Variants in DOK5 observed in about 807,000 individuals in gnomAD.
DOK5 encodes the protein docking protein 5, also known as downstream of tyrosine kinase 5.
A neutral mutation model predicts 43.3 loss-of-function variants in DOK5; 27 were observed. That is an observed-to-expected ratio of 0.62 (90% CI 0.46 to 0.86). The LOEUF (loss-of-function observed/expected upper bound fraction) is 0.86. Among genes scored for constraint, DOK5 ranks in the 40% least tolerant of loss-of-function variants. The pLI, the probability that DOK5 is intolerant of heterozygous loss-of-function variation, is 0.00. For synonymous variants in DOK5, 146 were observed against 140.1 expected, an observed-to-expected ratio of 1.04 and a Z score of -0.30; for missense variants, 373 against 392.9, an observed-to-expected ratio of 0.95 and a Z score of 0.43.
At chr20:54,492,686 T>G (rs1309456365) in intron 1 of DOK5, among the ~76,000 whole-genome samples, 1 of 141,094 alleles carries the variant, frequency 7.1e-6, no homozygotes, top group South Asian at 2.3e-4. Flanking sequence ...GAGTGTGGCT[T>G]TGTGTGTGTG....
intron 5 of DOK5, among the ~76,000 whole-genome samples, chr20:54,605,675 C>T (rs1003563489): frequency 5.3e-5 from 8 of 152,200 alleles, no homozygotes; most frequent in African/African-American, 1.4e-4. Flanking sequence ...GTCAGGTTCC[C>T]GGTGATGCTT....
At chr20:54,631,826 G>A (rs2146817387) in intron 6 of DOK5, among the ~76,000 whole-genome samples, 1 of 152,218 alleles carries the variant, frequency 6.6e-6, no homozygotes, top group African/African-American at 2.4e-5. Flanking sequence ...ACAAAAATTA[G>A]CTGGGCATTG....
intron 1 of DOK5, among the ~76,000 whole-genome samples, chr20:54,503,221 T>C (rs1048729955): frequency 6.6e-6 from 1 of 152,200 alleles, no homozygotes; most frequent in African/African-American, 2.4e-5. Context: ...GTGAATGTAT[T>C]ACTTTTTCAA....
chr20:54,577,658 AAC>A (rs1341169502), intron 2 of DOK5, among the ~76,000 whole-genome samples: 1 of 152,204 alleles, frequency 6.6e-6, no homozygotes, highest in African/African-American at 2.4e-5. Context: ...CCAAAATCTT[AAC>A]AGTTTACAGC....
chr20:54,549,102 C>A (rs1325964575), intron 1 of DOK5, among the ~76,000 whole-genome samples: 1 of 152,206 alleles, frequency 6.6e-6, no homozygotes, highest in African/African-American at 2.4e-5. Context: ...TCTTTGTCGG[C>A]AGCCCCAAGA....
At chr20:54,593,247 ACT>A (rs1346438808) in intron 5 of DOK5, among the ~76,000 whole-genome samples, 2 of 147,648 alleles carry the variant, frequency 1.4e-5, no homozygotes, top group East Asian at 2.0e-4. Context: ...ACAGAGCGAG[ACT>A]CTGTCTCCCA....
Position 54,480,977 on chromosome 20 carries a change from T to TTTCTATC in DOK5, c.66+4965_66+4966insTTCTATC, listed in dbSNP as rs1568746196. Among the ~76,000 whole-genome samples the TTTCTATC allele has an allele frequency of 3.0e-4, 19 of 63,228 alleles. No individual in the cohort carries two copies. In the East Asian group the frequency reaches 0.014, roughly 48 times the overall value. The allele number at this position is 63,228 out of a possible 152,430, so 41.5% of individuals were successfully genotyped here. A position where few individuals can be genotyped will look rare whatever the true frequency, so the allele number is the denominator to read the frequency against. Reference sequence around the variant, plus strand: ...ATCTATCTATCATCTATCATCTATCTATCTATCATCTATCATCTATCTATC... The same window carrying TTTCTATC: ...ATCTATCTATCATCTATCATCTATCTTTCTATCATCTATCATCTATCATCTATCTATC... On this transcript the variant is annotated intron_variant, in intron 1 of 7. Transcript: ENST00000262593.
intron 5 of DOK5, among the ~76,000 whole-genome samples, chr20:54,592,407 A>T (rs986446093): frequency 2.6e-5 from 4 of 152,126 alleles, no homozygotes; most frequent in African/African-American, 7.2e-5. Context: ...GATTAACCAG[A>T]TAGTATAGTA....
At chr20:54,542,483 A>G (rs1308950350) in intron 1 of DOK5, among the ~76,000 whole-genome samples, 1 of 152,224 alleles carries the variant, frequency 6.6e-6, no homozygotes, top group African/African-American at 2.4e-5. Context: ...TTGGAGACAG[A>G]GAAGGAAAAG....
At chr20:54,646,246 C>CTTTTTTTTTTTTTTTTT (rs1234153656) in intron 7 of DOK5, among the ~76,000 whole-genome samples, 1 of 80,676 alleles carries the variant, frequency 1.2e-5, no homozygotes, top group Non-Finnish European at 2.5e-5. Flanking sequence ...ACTGGTTATA[C>CTTTTTTTTTTTTTTTTT]TGTTTTTTTT....
At chr20:54,495,276 C>T (rs988350173) in intron 1 of DOK5, 2 of 152,136 alleles carry the variant, frequency 1.3e-5, no homozygotes, top group Non-Finnish European at 2.9e-5. Flanking sequence ...GTTACTTTAG[C>T]TTTTCTTGCT....
intron 1 of DOK5, among the ~76,000 whole-genome samples, chr20:54,530,056 G>T (rs1295209948): frequency 6.6e-6 from 1 of 152,016 alleles, no homozygotes; most frequent in Non-Finnish European, 1.5e-5. Context: ...AAGGTTTTTT[G>T]TCAACTGTAG....
chr20:54,645,891 C>G (rs1174930677), intron 7 of DOK5, among the ~76,000 whole-genome samples: 4 of 130,960 alleles, frequency 3.1e-5, no homozygotes, highest in African/African-American at 1.1e-4. Flanking sequence ...GTGCTCTGTT[C>G]ACTAGCAGAG....
chr20:54,511,724 C>T (rs1020642228), intron 1 of DOK5, among the ~76,000 whole-genome samples: 3 of 152,186 alleles, frequency 2.0e-5, no homozygotes, highest in Non-Finnish European at 4.4e-5. Flanking sequence ...GAGTCAGTGA[C>T]ATTGATGGGA....
At chr20:54,533,716 C>T (rs1212233515) in intron 1 of DOK5, among the ~76,000 whole-genome samples, 1 of 152,120 alleles carries the variant, frequency 6.6e-6, no homozygotes, top group Non-Finnish European at 1.5e-5. Context: ...TCTCAAGCTT[C>T]TCATATTTAG....
At chr20:54,590,518 G>T (rs1416806195) in intron 4 of DOK5, among the ~76,000 whole-genome samples, 5 of 150,742 alleles carry the variant, frequency 3.3e-5, no homozygotes, top group African/African-American at 1.0e-4. Context: ...ACTTTCAAGG[G>T]GGGGGAATAT....
chr20:54,506,973 A>G (rs1024893081), intron 1 of DOK5, among the ~76,000 whole-genome samples: 2 of 152,196 alleles, frequency 1.3e-5, no homozygotes, highest in Admixed American at 6.5e-5. Flanking sequence ...TATTTAATCT[A>G]TCTATATCCT....
intron 5 of DOK5, among the ~76,000 whole-genome samples, chr20:54,592,779 G>C (rs775601075): frequency 6.6e-6 from 1 of 152,120 alleles, no homozygotes; most frequent in African/African-American, 2.4e-5. Flanking sequence ...CTGACCTCGC[G>C]CTTCGGCCTT....
At chr20:54,525,101 T>C (rs1266329152) in intron 1 of DOK5, among the ~76,000 whole-genome samples, 1 of 152,200 alleles carries the variant, frequency 6.6e-6, no homozygotes, top group Non-Finnish European at 1.5e-5. Context: ...GTGTTATTTA[T>C]AGTGGGTCTA....
Sources: gnomAD v4.1 joint callset for allele counts (sites outside exome capture counted in the v4.1 genomes callset) on GRCh38, gnomAD v4.1.1 for gene constraint, MANE v1.5 for transcripts, NCBI Gene and HGNC (gene_info 2026-07-23, HGNC 2026-07-21) for gene names.